LAMA1: variants seen among roughly 807,000 people sequenced by gnomAD.
The protein encoded by LAMA1 is laminin subunit alpha 1.
LAMA1 carries 219 observed loss-of-function variants against 348.7 expected under a neutral mutation model. The observed-to-expected ratio is 0.63, with a 90% confidence interval of 0.56 to 0.70. LAMA1 has a LOEUF of 0.70. LAMA1 is among the 30% of genes least tolerant of loss of function. The pLI, the probability that LAMA1 is intolerant of heterozygous loss-of-function variation, is 0.00. For missense variants in LAMA1, 3,744 were observed against 3,888.0 expected, an observed-to-expected ratio of 0.96 and a Z score of 0.99; for synonymous variants, 1,487 against 1,491.0, an observed-to-expected ratio of 1.00 and a Z score of 0.06.
chr18:6,991,945 CTATT>C, intron 36 of LAMA1, among the ~76,000 whole-genome samples: 1 of 152,270 alleles, frequency 6.6e-6, no homozygotes, highest in East Asian at 1.9e-4. Context: ...TATCATGTAA[CTATT>C]TATAACAGCA....
chr18:7,015,611 A>T lies in LAMA1; in HGVS notation c.3126+111T>A, dbSNP rs181856184. The T allele has an allele frequency of 1.8e-4, 221 of 1,252,348 alleles. No individual in the cohort carries two copies. In the African/African-American group the frequency reaches 3.1e-3, roughly 17 times the overall value. 77.6% of individuals were successfully genotyped at this position (1,252,348 alleles called of 1,614,324 possible). A position where few individuals can be genotyped will look rare whatever the true frequency, so the allele number is the denominator to read the frequency against. On this transcript the variant is annotated intron_variant, in intron 22 of 62. Transcript: ENST00000389658. ...GAGTTTTTTTTTTTTTTTTAAATTCACAAAGCTATTCAACAGATTAAAGTC... is the reference window on the plus strand; with the variant it reads ...GAGTTTTTTTTTTTTTTTTAAATTCTCAAAGCTATTCAACAGATTAAAGTC...
intron 3 of LAMA1, among the ~76,000 whole-genome samples, chr18:7,052,570 CA>C (rs1314828791): frequency 1.3e-5 from 2 of 151,634 alleles, no homozygotes; most frequent in East Asian, 1.9e-4. Flanking sequence ...CTACTAAATA[CA>C]AAAAAATTAG....
intron 19 of LAMA1, among the ~76,000 whole-genome samples, chr18:7,017,741 C>G (rs964954386): frequency 3.3e-5 from 5 of 152,108 alleles, no homozygotes; most frequent in African/African-American, 1.2e-4. Context: ...TGCCCTGATT[C>G]CAATCAGGTA....
At chr18:7,093,371 G>A (rs987665104) in intron 1 of LAMA1, among the ~76,000 whole-genome samples, 14 of 151,966 alleles carry the variant, frequency 9.2e-5, no homozygotes, top group African/African-American at 3.4e-4. Context: ...ATCCAAGATC[G>A]CGCCACTGCA....
intron 1 of LAMA1, among the ~76,000 whole-genome samples, chr18:7,101,835 T>C (rs1228580424): frequency 7.3e-6 from 1 of 137,284 alleles, no homozygotes; most frequent in Non-Finnish European, 1.5e-5. Flanking sequence ...ACCTGGCTAA[T>C]TTCTATTTTT....
intron 3 of LAMA1, among the ~76,000 whole-genome samples, chr18:7,058,993 G>A (rs1457733155): frequency 2.6e-5 from 4 of 152,174 alleles, no homozygotes; most frequent in East Asian, 1.9e-4. Flanking sequence ...GGGTTCAAGC[G>A]ATTCTCCTGC....
At chr18:7,055,922 T>C (rs2058079981) in intron 3 of LAMA1, among the ~76,000 whole-genome samples, 2 of 150,710 alleles carry the variant, frequency 1.3e-5, no homozygotes, top group Non-Finnish European at 3.0e-5. Context: ...TCCACTAAAA[T>C]ACAAAAAATT....
chr18:7,103,056 CAG>C (rs1272194434), intron 1 of LAMA1, among the ~76,000 whole-genome samples: 3 of 152,146 alleles, frequency 2.0e-5, no homozygotes, highest in African/African-American at 4.8e-5. Context: ...CTCATGAGTG[CAG>C]AGAGTGTCTG....
intron 24 of LAMA1, 70 bp downstream of exon 24, chr18:7,011,925 T>A: frequency 6.5e-7 from 1 of 1,528,506 alleles, no homozygotes; most frequent in Admixed American, 2.0e-5. Context: ...CTTGGCTGTG[T>A]TTCCCACCCC....
chr18:6,958,262 G>A (rs2057589612), intron 55 of LAMA1, among the ~76,000 whole-genome samples: 2 of 152,006 alleles, frequency 1.3e-5, no homozygotes, highest in Non-Finnish European at 2.9e-5. Flanking sequence ...GTTCAGCGAT[G>A]GTTTTTAAAG....
In LAMA1 at chr18:7,016,506, C is replaced by G; in HGVS notation, c.2974G>C (p.Asp992His). 9 of 1,614,214 alleles carry G rather than the reference C, an allele frequency of 5.6e-6. No individual in the cohort carries two copies. In the South Asian group the frequency reaches 9.9e-5, roughly 18 times the overall value. Residue 992 changes from aspartate (D) to histidine (H), a missense_variant, in exon 21 of 63, where the codon GAT becomes CAT. Physicochemically the swap from Asp to His is moderately conservative, Grantham distance 81 (BLOSUM62 -1). Coordinates refer to ENST00000389658, the MANE Select transcript of LAMA1 (RefSeq NM_005559.4). Reference protein sequence around the residue: ...RCAHGFYAYQDGSCTPCDCPH... With the variant: ...RCAHGFYAYQHGSCTPCDCPH... ...CAAGGCTTACGTGTACAGCTACCAT[C>G]CTGGTAGGCGTAGAAGCCATGGGCA...
At chr18:7,008,640 C>T (rs1304637992) in intron 27 of LAMA1, 32 bp from the exon 28 acceptor site, 4 of 1,612,326 alleles carry the variant, frequency 2.5e-6, no homozygotes, top group African/African-American at 2.7e-5. Flanking sequence ...AGAGGAAACG[C>T]TAACATTTGA....
intron 55 of LAMA1, among the ~76,000 whole-genome samples, chr18:6,957,690 G>A (rs1223066576): frequency 6.6e-6 from 1 of 152,178 alleles, no homozygotes; most frequent in Non-Finnish European, 1.5e-5. Flanking sequence ...CTGTCCAGAG[G>A]CAGAGGGTGA....
intron 42 of LAMA1, among the ~76,000 whole-genome samples, chr18:6,979,620 C>G (rs1478496178): frequency 6.6e-6 from 1 of 152,224 alleles, no homozygotes. Flanking sequence ...AAACTTTAGG[C>G]CAGGCGCGGT....
chr18:6,942,038 A>C lies in LAMA1; in HGVS notation c.*41T>G. The C allele has an allele frequency of 6.2e-7, 1 of 1,611,018 alleles. No homozygotes were observed. Among genetic ancestry groups the C allele is most frequent in the African/African-American group, 1.3e-5 (1 of 75,012 alleles). On this transcript the variant is annotated 3_prime_UTR_variant, in exon 63 of 63. Coordinates refer to ENST00000389658, the MANE Select transcript of LAMA1 (RefSeq NM_005559.4). ...TAATTCACACATACACTTCTCCTCA[A>C]AATATTAGCAATGATTCCAACTGAG...
At chr18:7,018,073 T>C (rs777821037) in intron 19 of LAMA1, among the ~76,000 whole-genome samples, 20 of 152,030 alleles carry the variant, frequency 1.3e-4, no homozygotes, top group Non-Finnish European at 2.5e-4. Context: ...CAGTGGCTCA[T>C]GCCTGTAATC....
intron 29 of LAMA1, among the ~76,000 whole-genome samples, chr18:7,003,509 C>T (rs1208604801): frequency 2.6e-5 from 4 of 152,162 alleles, no homozygotes; most frequent in African/African-American, 7.2e-5. Flanking sequence ...CTGCCCGCCT[C>T]GGCCTCCCAA....
At chr18:7,076,713 G>T (rs1021325204) in intron 3 of LAMA1, 2 of 151,190 alleles carry the variant, frequency 1.3e-5, no homozygotes, top group African/African-American at 4.9e-5. Flanking sequence ...TGGGAAAATT[G>T]AATGTGGATG....
intron 3 of LAMA1, among the ~76,000 whole-genome samples, chr18:7,062,886 G>C (rs1598302236): frequency 6.6e-6 from 1 of 152,238 alleles, no homozygotes; most frequent in Non-Finnish European, 1.5e-5. Flanking sequence ...TTGATGGAGC[G>C]ATGGTGAAGA....
Sources: gnomAD v4.1 joint callset for allele counts (sites outside exome capture counted in the v4.1 genomes callset) on GRCh38, gnomAD v4.1.1 for gene constraint, MANE v1.5 for transcripts, NCBI Gene and HGNC (gene_info 2026-07-23, HGNC 2026-07-21) for gene names.